The following ELMO1 variants were observed in gnomAD, a reference collection of about 807,000 sequenced individuals.
ELMO1 encodes engulfment and cell motility protein 1.
In ELMO1, 26 loss-of-function variants were observed where a neutral mutation model predicts 98.9. That is an observed-to-expected ratio of 0.26 (90% confidence interval 0.19 to 0.36). The LOEUF (loss-of-function observed/expected upper bound fraction) is 0.36, where lower values mean the gene tolerates loss of function less well. Ranked by LOEUF, ELMO1 falls within the 10% of genes least tolerant of loss-of-function variation. ELMO1 has a pLI of 1.00. For missense variants in ELMO1, 627 were observed against 935.2 expected, an observed-to-expected ratio of 0.67 and a Z score of 4.30; for synonymous variants, 346 against 346.0, an observed-to-expected ratio of 1.00 and a Z score of 0.00.
intron 16 of ELMO1, among the ~76,000 whole-genome samples, chr7:36,979,661 T>C (rs1156920507): frequency 6.6e-6 from 1 of 152,194 alleles, no homozygotes; most frequent in Non-Finnish European, 1.5e-5. Context: ...ACAGTGCCAA[T>C]GTTGGTGGTT....
chr7:36,937,328 A>T (rs1055122035), intron 16 of ELMO1, among the ~76,000 whole-genome samples: 2 of 152,208 alleles, frequency 1.3e-5, no homozygotes, highest in Non-Finnish European at 2.9e-5. Context: ...CGTGACAACA[A>T]AGGCAGAGAC....
chr7:36,970,451 T>C (rs1789839416), intron 16 of ELMO1, among the ~76,000 whole-genome samples: 2 of 152,296 alleles, frequency 1.3e-5, no homozygotes, highest in Middle Eastern at 3.4e-3. Context: ...CACAAAACAG[T>C]GGACTGCAAC....
chr7:37,274,537 G>A (rs554994160), intron 4 of ELMO1, among the ~76,000 whole-genome samples: 6 of 152,092 alleles, frequency 3.9e-5, no homozygotes, highest in South Asian at 2.1e-4. Flanking sequence ...GGTATGAAGC[G>A]GCCAGGAGGG....
In ELMO1 at chr7:37,222,631, G is replaced by A. The variant is rs768456457; in HGVS notation, c.764C>T (p.Pro255Leu). Residue 255 changes from proline to leucine, a missense_variant, in exon 10 of 22, where the codon CCT becomes CTT. By Grantham distance (98) the Pro-to-Leu change is moderately conservative. Transcript: ENST00000310758. Reference sequence around the variant, plus strand: ...GCAACTTACCTGCCTCCTCTCATCAGGAGCCTTCAGGAAAAGCGCATTAAT... The same window carrying A: ...GCAACTTACCTGCCTCCTCTCATCAAGAGCCTTCAGGAAAAGCGCATTAAT... ...AVINALFLKA[P>L]DERRQEMANI... 6.2e-7 allele frequency: 1 copy of A among 1,614,082 alleles called. No individual in the cohort carries two copies. The highest frequency in any genetic ancestry group is 1.1e-5 in the South Asian group (1 of 91,080).
intron 10 of ELMO1, among the ~76,000 whole-genome samples, chr7:37,219,774 C>T (rs1329178013): frequency 6.6e-6 from 1 of 152,174 alleles, no homozygotes; most frequent in Non-Finnish European, 1.5e-5. Context: ...AATTTCCTTA[C>T]TTATAAAACA....
At chr7:37,276,485 C>T (rs1177715030) in intron 4 of ELMO1, among the ~76,000 whole-genome samples, 2 of 152,120 alleles carry the variant, frequency 1.3e-5, no homozygotes, top group African/African-American at 2.4e-5. Flanking sequence ...GTGGCAGGCG[C>T]CTGTAGTCCC....
intron 6 of ELMO1, among the ~76,000 whole-genome samples, chr7:37,254,500 G>GTA (rs1351882135): frequency 3.3e-5 from 5 of 152,162 alleles, no homozygotes; most frequent in African/African-American, 9.7e-5. Context: ...AACATACATG[G>GTA]TATAGCCTAC....
rs761429850 is a variant in ELMO1, at chr7:37,222,649, G to T, written c.746C>A (p.Ala249Glu). ...IQTYTIAVIN[A>E]LFLKAPDERR... Reference sequence around the variant, plus strand: ...CTCATCAGGAGCCTTCAGGAAAAGCGCATTAATCACTGCAATAGTATAGGT... The same window carrying T: ...CTCATCAGGAGCCTTCAGGAAAAGCTCATTAATCACTGCAATAGTATAGGT... Residue 249 changes from alanine (A) to glutamate (E), a missense_variant, in exon 10 of 22, where the codon GCG (alanine) becomes GAG (glutamate). By Grantham distance (107) the Ala-to-Glu change is moderately radical (BLOSUM62 -1). Transcript: ENST00000310758. 1.2e-6 allele frequency: 2 copies of T among 1,614,052 alleles called. No individual in the cohort carries two copies. Among genetic ancestry groups the T allele is most frequent in the Non-Finnish European group, 1.7e-6 (2 of 1,179,922 alleles).
In ELMO1 at chr7:37,140,548, T is replaced by C. The variant is rs2129307946; in HGVS notation, c.1087-7314A>G. ...ATAAATAGAAGGGACTTAATTTAAC[T>C]AAAAAGCTTCTGCACAGAAAAGGAA... is the stretch of plus-strand genomic sequence containing the variant. On this transcript the variant is annotated intron_variant, in intron 13 of 21. Coordinates refer to ENST00000310758, the MANE Select transcript of ELMO1 (RefSeq NM_014800.11). 2.0e-5 allele frequency among the ~76,000 whole-genome samples: 3 copies of C among 152,182 alleles called. 1 individual carries two copies. The Middle Eastern group carries it at 0.01, about 518-fold the overall frequency.
chr7:37,183,767 G>T (rs531081233), intron 13 of ELMO1, among the ~76,000 whole-genome samples: 2 of 151,952 alleles, frequency 1.3e-5, no homozygotes, highest in South Asian at 4.1e-4. Context: ...AAGATGAAAA[G>T]GTGGATAGAA....
In ELMO1 at chr7:37,102,666, C is replaced by T. The variant is rs1784701762; in HGVS notation, c.1192-5939G>A. Among the ~76,000 whole-genome samples the T allele has an allele frequency of 2.0e-5, 3 of 152,358 alleles. No homozygotes were observed. The South Asian group carries it at 6.2e-4, about 32-fold the overall frequency. On this transcript the variant is annotated intron_variant, in intron 14 of 21. Transcript: ENST00000310758. Reference sequence around the variant, plus strand: ...GCTTTGTACAGATTGTCTCATTCCACACACGTGTACCAGCACATGCCAAAA... The same window carrying T: ...GCTTTGTACAGATTGTCTCATTCCATACACGTGTACCAGCACATGCCAAAA...
intron 13 of ELMO1, among the ~76,000 whole-genome samples, chr7:37,209,409 A>G (rs993528013): frequency 1.4e-4 from 21 of 152,212 alleles, no homozygotes; most frequent in Non-Finnish European, 2.6e-4. Context: ...CGGAGGCAGC[A>G]CATGGAAAGA....
At chr7:37,177,829 T>C (rs181576205) in intron 13 of ELMO1, among the ~76,000 whole-genome samples, 13 of 152,352 alleles carry the variant, frequency 8.5e-5, no homozygotes, top group Non-Finnish European at 1.0e-4. Context: ...ATAAAATCTG[T>C]ATCTATGTTA....
chr7:37,286,725 C>T lies in ELMO1; in HGVS notation c.193-14843G>A, dbSNP rs537656270. On this transcript the variant is annotated intron_variant, in intron 4 of 21. Coordinates refer to ENST00000310758, the MANE Select transcript of ELMO1 (RefSeq NM_014800.11). ...AATACAAGTCCGCCCATTTGGATCC[C>T]CAGCCTTAGATAATGAAATATAGGG... Among the ~76,000 whole-genome samples, 3 of 152,240 alleles carry T rather than the reference C, an allele frequency of 2.0e-5. No homozygotes were observed. The South Asian group carries it at 6.2e-4, about 32-fold the overall frequency.
intron 18 of ELMO1, among the ~76,000 whole-genome samples, chr7:36,878,776 A>C (rs2129045306): frequency 6.6e-6 from 1 of 152,318 alleles, no homozygotes; most frequent in East Asian, 1.9e-4. Context: ...TATGACCAGG[A>C]GATTAGGGTC....
chr7:37,217,605 G>C (rs1327840942), intron 10 of ELMO1: 2 of 421,246 alleles, frequency 4.7e-6, no homozygotes, highest in South Asian at 1.6e-5. Context: ...CAAGAACATG[G>C]GGGGTGGGGG....
intron 4 of ELMO1, among the ~76,000 whole-genome samples, chr7:37,291,485 T>C (rs971857101): frequency 1.3e-5 from 2 of 152,206 alleles, no homozygotes; most frequent in Admixed American, 6.5e-5. Context: ...AAACAACTCC[T>C]GTAAATCCAT....
At chr7:37,039,881 T>G (rs1417135149) in intron 15 of ELMO1, among the ~76,000 whole-genome samples, 1 of 152,232 alleles carries the variant, frequency 6.6e-6, no homozygotes, top group East Asian at 1.9e-4. Context: ...AATTAAAAAG[T>G]GCAAAGATGT....
At chr7:36,932,155 C>G (rs893366393) in intron 16 of ELMO1, among the ~76,000 whole-genome samples, 1 of 152,128 alleles carries the variant, frequency 6.6e-6, no homozygotes, top group African/African-American at 2.4e-5. Flanking sequence ...TACTAGACAC[C>G]GTTCAATAAG....
Sources: gnomAD v4.1 joint callset for allele counts (sites outside exome capture counted in the v4.1 genomes callset) on GRCh38, gnomAD v4.1.1 for gene constraint, MANE v1.5 for transcripts, NCBI Gene and HGNC (gene_info 2026-07-23, HGNC 2026-07-21) for gene names.